GRIP1: variants seen among roughly 807,000 people sequenced by gnomAD.
The protein encoded by GRIP1 is glutamate receptor-interacting protein 1.
Under a neutral mutation model 129.9 loss-of-function variants are expected in GRIP1, and 45 were observed. The ratio of observed to expected loss-of-function variants is 0.35; its 90% CI spans 0.27 to 0.44. The LOEUF (loss-of-function observed/expected upper bound fraction) is 0.44. Ranked by LOEUF, GRIP1 falls within the 20% of genes least tolerant of loss-of-function variation. The pLI is 1.00. For synonymous variants in GRIP1, 530 were observed against 520.8 expected (o/e 1.02, Z -0.24); for missense variants, 1,196 against 1,396.8 (o/e 0.86, Z 2.29).
intron 2 of GRIP1, among the ~76,000 whole-genome samples, chr12:66,556,688 A>G (rs2139361068): frequency 6.6e-6 from 1 of 152,180 alleles, no homozygotes; most frequent in African/African-American, 2.4e-5. Flanking sequence ...GGACAAGTTG[A>G]AGTGTAGAGT....
intron 7 of GRIP1, among the ~76,000 whole-genome samples, chr12:66,503,227 A>G (rs1405359677): frequency 6.6e-6 from 1 of 152,128 alleles, no homozygotes; most frequent in Admixed American, 6.5e-5. Flanking sequence ...GGGCGAGTGA[A>G]CCGGGCACGT....
intron 1 of GRIP1, among the ~76,000 whole-genome samples, chr12:66,745,170 A>G (rs2036906761): frequency 6.6e-6 from 1 of 152,322 alleles, no homozygotes; most frequent in East Asian, 1.9e-4. Context: ...ACTCCAACAT[A>G]TATAAACTAG....
At position 67,059,604 on chromosome 12, in the gene GRIP1, T is replaced by A. The variant is rs923656583; in HGVS notation, c.58+9446A>T. The stretch of plus-strand genomic sequence containing the variant: ...AACTAGAGACTAATGTGTTCTTAAT[T>A]GACAAGATCTAATTTTTTCCTTTTC... On this transcript the variant is annotated intron_variant, in intron 1 of 1. Transcript: ENST00000643019. 2.0e-5 allele frequency among the ~76,000 whole-genome samples: 3 copies of A among 152,224 alleles called. No individual in the cohort carries two copies. The East Asian group carries it at 5.8e-4, about 29-fold the overall frequency.
intron 1 of GRIP1, among the ~76,000 whole-genome samples, chr12:66,969,073 A>G (rs935536427): frequency 4.6e-5 from 7 of 152,138 alleles, no homozygotes; most frequent in African/African-American, 1.7e-4. Flanking sequence ...TATGATGAGA[A>G]GTCCACTGTA....
chr12:66,450,900 G>C (rs2058774233), intron 11 of GRIP1, among the ~76,000 whole-genome samples: 1 of 152,164 alleles, frequency 6.6e-6, no homozygotes. Context: ...TCATTAATGT[G>C]GTCAACCAGC....
At position 66,714,886 on chromosome 12, in the gene GRIP1, CCCATCCAT is replaced by C. The variant is rs71069016; in HGVS notation, c.-419-84558_-419-84551del. On this transcript the variant is annotated intron_variant, in intron 1 of 4. Transcript: ENST00000538373. Reference sequence around the variant, plus strand: ...CTCACCCATCTATCCATTCAATCCACCCATCCATCCATCCATCCATCCATCCATCCATC... The same window carrying C: ...CTCACCCATCTATCCATTCAATCCACCCATCCATCCATCCATCCATCCATC... Among the ~76,000 whole-genome samples the C allele has an allele frequency of 5.3e-3, 789 of 147,798 alleles. 6 individuals are homozygous for C. The highest frequency in any genetic ancestry group is 0.021 in the East Asian group (104 of 4,954).
intron 1 of GRIP1, among the ~76,000 whole-genome samples, chr12:66,761,138 C>T (rs1227306816): frequency 2.6e-5 from 4 of 151,972 alleles, no homozygotes; most frequent in African/African-American, 9.7e-5. Context: ...GCTCTCCCTA[C>T]CCCTTCCTGC....
rs1282596944 is a variant in GRIP1 at position 66,415,922 on chromosome 12, G to A, written c.1838+4798C>T. 2.0e-5 allele frequency among the ~76,000 whole-genome samples: 3 copies of A among 152,158 alleles called. 1 individual carries two copies. Among genetic ancestry groups the A allele is most frequent in the Non-Finnish European group, 4.4e-5 (3 of 68,006 alleles). Reference sequence around the variant, plus strand: ...CAACATACACTGGGGCCTGTCATGGGTGAGGTGATGGGAGGGAGACCATCA... The same window carrying A: ...CAACATACACTGGGGCCTGTCATGGATGAGGTGATGGGAGGGAGACCATCA... On this transcript the variant is annotated intron_variant, in intron 15 of 24. Coordinates refer to ENST00000359742, the MANE Select transcript of GRIP1 (RefSeq NM_001366722.1).
At chr12:66,968,657 A>G (rs1478098773) in intron 1 of GRIP1, among the ~76,000 whole-genome samples, 2 of 152,068 alleles carry the variant, frequency 1.3e-5, no homozygotes, top group Non-Finnish European at 2.9e-5. Context: ...CCTCCCTCCA[A>G]TCTCTTATGA....
chr12:66,689,862 CTT>C (rs913645015), intron 1 of GRIP1, among the ~76,000 whole-genome samples: 1 of 151,908 alleles, frequency 6.6e-6, no homozygotes, highest in African/African-American at 2.4e-5. Context: ...CCATTTTACT[CTT>C]TTATGAATTG....
At chr12:66,956,051 A>C (rs12816134) in intron 1 of GRIP1, among the ~76,000 whole-genome samples, 31,084 of 152,186 alleles carry the variant, frequency 0.2, 4,007 homozygotes, top group East Asian at 0.29. Flanking sequence ...AGCTTCCTCT[A>C]ATATTGCCAT....
intron 1 of GRIP1, among the ~76,000 whole-genome samples, chr12:66,710,807 T>C (rs964463907): frequency 2.0e-5 from 3 of 151,930 alleles, no homozygotes; most frequent in Non-Finnish European, 2.9e-5. Context: ...CTATTCAGGC[T>C]AAGGCCTCTT....
At chr12:66,887,752 C>T (rs944982070) in intron 1 of GRIP1, among the ~76,000 whole-genome samples, 25 of 152,030 alleles carry the variant, frequency 1.6e-4, no homozygotes, top group African/African-American at 5.8e-4. Context: ...CTTTGAAGTT[C>T]AATATACTAA....
chr12:66,995,666 T>TGATGTGAACTAGGTAGTTCACATCTACTA (rs1295780359), intron 1 of GRIP1, among the ~76,000 whole-genome samples: 8 of 152,058 alleles, frequency 5.3e-5, no homozygotes, highest in Non-Finnish European at 1.2e-4. Flanking sequence ...ACTAGGATGG[T>TGATGTGAACTAGGTAGTTCACATCTACTA]GGATAATAAA....
intron 14 of GRIP1, among the ~76,000 whole-genome samples, chr12:66,422,054 T>G (rs904397828): frequency 1.3e-5 from 2 of 152,172 alleles, no homozygotes; most frequent in Non-Finnish European, 2.9e-5. Flanking sequence ...TTAGAGATCA[T>G]TAACAGGCCC....
intron 1 of GRIP1, among the ~76,000 whole-genome samples, chr12:66,701,228 C>G (rs1176751324): frequency 6.6e-6 from 1 of 152,276 alleles, no homozygotes; most frequent in South Asian, 2.1e-4. Flanking sequence ...GACTCCTCTG[C>G]CTCACCTTAC....
intron 1 of GRIP1, among the ~76,000 whole-genome samples, chr12:66,644,947 T>C (rs1271928756): frequency 1.3e-5 from 2 of 152,218 alleles, no homozygotes; most frequent in East Asian, 1.9e-4. Flanking sequence ...TAAAAGACCA[T>C]GTTTAGTGGA....
intron 1 of GRIP1, among the ~76,000 whole-genome samples, chr12:66,645,766 T>C (rs74098216): frequency 6.6e-5 from 10 of 152,364 alleles, no homozygotes; most frequent in East Asian, 1.9e-4. Context: ...CAGCTTTCTA[T>C]AGATAATTAA....
chr12:66,925,359 T>A (rs1351275492), intron 1 of GRIP1, among the ~76,000 whole-genome samples: 1 of 151,910 alleles, frequency 6.6e-6, no homozygotes. Context: ...AATTGATAAG[T>A]ATGCTAAAAA....
Sources: gnomAD v4.1 joint callset for allele counts (sites outside exome capture counted in the v4.1 genomes callset) on GRCh38, gnomAD v4.1.1 for gene constraint, MANE v1.5 for transcripts, NCBI Gene and HGNC (gene_info 2026-07-23, HGNC 2026-07-21) for gene names.